The following WTAP variants were observed in gnomAD, a reference collection of about 807,000 sequenced individuals.
WTAP encodes the protein pre-mRNA-splicing regulator WTAP.
In WTAP, 8 loss-of-function variants were observed where a neutral mutation model predicts 50.0. That is an observed-to-expected ratio of 0.16 (90% CI 0.09 to 0.29). The LOEUF is 0.29. Among genes scored for constraint, WTAP ranks in the 10% least tolerant of loss-of-function variants. The pLI is 1.00. For missense variants in WTAP, 295 were observed against 470.7 expected (o/e 0.63, Z 3.45); for synonymous variants, 194 against 169.0 (o/e 1.15, Z -1.15).
chr6:159,755,760 C>CTTTTTTTTTTTTTTTTTTTT lies in WTAP; in HGVS notation c.*153_*154insTTTTTTTTTTTTTTTTTTTT, dbSNP rs1779984995. The CTTTTTTTTTTTTTTTTTTTT allele has an allele frequency of 3.2e-5, 9 of 283,674 alleles. No homozygotes were observed. Among genetic ancestry groups the CTTTTTTTTTTTTTTTTTTTT allele is most frequent in the African/African-American group, 2.5e-4 (5 of 19,982 alleles). The allele number at this position is 283,674 out of a possible 1,614,324, so 17.6% of individuals were successfully genotyped here. A position where few individuals can be genotyped will look rare whatever the true frequency, so the allele number is the denominator to read the frequency against. On this transcript the variant is annotated 3_prime_UTR_variant, in exon 8 of 8. Coordinates refer to ENST00000621533, the MANE Select transcript of WTAP (RefSeq NM_001270531.2). ...TGTTTTTTTTCTTTGTTTTTTTTTT[C>CTTTTTTTTTTTTTTTTTTTT]TTTTCTTTTTTTTTTTTTTTTTTTT... is the stretch of plus-strand genomic sequence containing the variant.
At chr6:159,735,044 T>C (rs1212861317) in intron 1 of WTAP, among the ~76,000 whole-genome samples, 2 of 152,210 alleles carry the variant, frequency 1.3e-5, no homozygotes, top group African/African-American at 4.8e-5. Flanking sequence ...GAATTTTGTA[T>C]AATAAAGAAG....
At chr6:159,749,622 T>A (rs1449151528) in intron 6 of WTAP, among the ~76,000 whole-genome samples, 1 of 152,168 alleles carries the variant, frequency 6.6e-6, no homozygotes, top group Non-Finnish European at 1.5e-5. Flanking sequence ...GACTTGACAC[T>A]TGTTACTTTT....
At position 159,736,315 on chromosome 6, in the gene WTAP, G is replaced by T; in HGVS notation, c.30+20G>T. 1.3e-6 allele frequency: 2 copies of T among 1,592,352 alleles called. No homozygotes were observed. Among genetic ancestry groups the T allele is most frequent in the South Asian group, 1.2e-5 (1 of 86,772 alleles). On this transcript the variant is annotated intron_variant, in intron 2 of 7. Coordinates refer to ENST00000621533, the MANE Select transcript of WTAP (RefSeq NM_001270531.2). ...AAGAAGGTATGGGTTTTGGTTTTGG[G>T]TTTTTTTGTTTTGTTTTGGGTTTTT...
At chr6:159,732,426 T>C (rs1778629611) in intron 1 of WTAP, among the ~76,000 whole-genome samples, 1 of 152,234 alleles carries the variant, frequency 6.6e-6, no homozygotes, top group African/African-American at 2.4e-5. Context: ...TTACGTGAAG[T>C]TCCTGGTTGG....
Position 159,736,289 on chromosome 6 carries a change from C to T in WTAP, c.24C>T (p.Pro8=), listed in dbSNP as rs1327242032. 3 of 1,602,766 alleles carry T rather than the reference C, an allele frequency of 1.9e-6. No individual in the cohort carries two copies. The highest frequency in any genetic ancestry group is 1.3e-5 in the African/African-American group (1 of 74,404). Residue 8 remains proline, a synonymous_variant, in exon 2 of 8, where the codon CCC becomes CCT. Transcript: ENST00000621533. MTNEEPL[P]KKVRLSETDF... is the part of the protein sequence containing the mutation. ...AGATGACCAACGAAGAACCTCTTCC[C>T]AAGAAGGTATGGGTTTTGGTTTTGG...
upstream of WTAP, chr6:159,727,280 CG>C (rs541572429): frequency 1.0e-3 from 1,316 of 1,281,820 alleles, 9 homozygotes; most frequent in African/African-American, 0.019. Flanking sequence ...CCTCTCCTGG[CG>C]GGGTTCGGCG....
At chr6:159,733,623 A>G (rs1019098813) in intron 1 of WTAP, among the ~76,000 whole-genome samples, 4 of 151,840 alleles carry the variant, frequency 2.6e-5, no homozygotes, top group African/African-American at 9.7e-5. Flanking sequence ...CTGTCTCAAA[A>G]AAAAAAAAAA....
chr6:159,745,468 G>C (rs1435456182), intron 5 of WTAP, among the ~76,000 whole-genome samples: 2 of 150,588 alleles, frequency 1.3e-5, no homozygotes, highest in Admixed American at 6.6e-5. Flanking sequence ...GCTGTCACCT[G>C]CATACGCCAG....
At chr6:159,732,143 G>A (rs1376777897) in intron 1 of WTAP, among the ~76,000 whole-genome samples, 1 of 152,026 alleles carries the variant, frequency 6.6e-6, no homozygotes, top group African/African-American at 2.4e-5. Context: ...TCCGAGTACT[G>A]TATTTTTTAA....
upstream of WTAP, chr6:159,727,066 T>C (rs933379271): frequency 1.3e-5 from 16 of 1,213,816 alleles, no homozygotes; most frequent in Non-Finnish European, 1.6e-5. Context: ...TCCCTTCCCG[T>C]GATGCCCTGG....
At chr6:159,747,685 C>G (rs1472842922) in intron 5 of WTAP, among the ~76,000 whole-genome samples, 1 of 152,140 alleles carries the variant, frequency 6.6e-6, no homozygotes, top group Non-Finnish European at 1.5e-5. Flanking sequence ...ATTAAGCAAA[C>G]CAAAGACTTC....
chr6:159,726,721 C>A, upstream of WTAP: 3 of 1,254,664 alleles, frequency 2.4e-6, no homozygotes, highest in Non-Finnish European at 3.1e-6. Flanking sequence ...GCGCAACCTC[C>A]GACGCCAGAG....
intron 3 of WTAP, 39 bp from the exon 4 acceptor site, chr6:159,742,049 T>G: frequency 2.1e-6 from 3 of 1,417,170 alleles, no homozygotes; most frequent in Non-Finnish European, 2.9e-6. Context: ...AATAAACTAT[T>G]TTATCGTAAC....
intron 1 of WTAP, among the ~76,000 whole-genome samples, chr6:159,734,135 A>C (rs1460033129): frequency 1.3e-5 from 2 of 152,168 alleles, no homozygotes; most frequent in Admixed American, 6.5e-5. Flanking sequence ...AGGAATCTCA[A>C]AATCAAGTGG....
At chr6:159,747,830 C>CT (rs1187448907) in intron 5 of WTAP, among the ~76,000 whole-genome samples, 1 of 152,124 alleles carries the variant, frequency 6.6e-6, no homozygotes, top group East Asian at 1.9e-4. Context: ...TATGTAGCCA[C>CT]TTTAAGTCCC....
intron 5 of WTAP, among the ~76,000 whole-genome samples, chr6:159,747,359 T>C (rs1325572509): frequency 1.3e-5 from 2 of 152,228 alleles, no homozygotes; most frequent in Admixed American, 6.5e-5. Context: ...ACTAGAATTG[T>C]AGTCCCGCTA....
Position 159,748,170 on chromosome 6 carries a change from T to G in WTAP, c.274-21T>G. On this transcript the variant is annotated intron_variant, in intron 5 of 7. Transcript: ENST00000621533. The surrounding 1 kb of genome is among the most constrained non-coding windows in gnomAD (Gnocchi z 5.6). Reference sequence around the variant, plus strand: ...ATGTTTCCTTTGATTTGGTCGTAATTGTTTCTTTTGCTTTGCACAGACTCA... The same window carrying G: ...ATGTTTCCTTTGATTTGGTCGTAATGGTTTCTTTTGCTTTGCACAGACTCA... 1 of 1,606,874 alleles carries G rather than the reference T, an allele frequency of 6.2e-7. No homozygotes were observed. Among genetic ancestry groups the G allele is most frequent in the Non-Finnish European group, 8.5e-7 (1 of 1,175,110 alleles).
intron 4 of WTAP, among the ~76,000 whole-genome samples, chr6:159,743,128 A>G (rs1779362044): frequency 6.6e-6 from 1 of 152,214 alleles, no homozygotes; most frequent in Non-Finnish European, 1.5e-5. Context: ...GCTTAGTGCA[A>G]CCTCTGCCTC....
At chr6:159,750,960 T>A (rs1486326845) in intron 6 of WTAP, among the ~76,000 whole-genome samples, 3 of 152,242 alleles carry the variant, frequency 2.0e-5, no homozygotes, top group Non-Finnish European at 4.4e-5. Context: ...GAAGAAAGAT[T>A]CCCAGAAATA....
Sources: allele counts gnomAD v4.1 joint callset (sites outside exome capture counted in the v4.1 genomes callset), GRCh38; gene constraint gnomAD v4.1.1; non-coding constraint Gnocchi (gnomAD v3.1); transcripts MANE v1.5; gene names NCBI Gene and HGNC (gene_info 2026-07-23, HGNC 2026-07-21).